The following RGS17 variants were observed in gnomAD, a reference collection of about 807,000 sequenced individuals.
RGS17 encodes the protein regulator of G protein signaling 17, also known as regulator of G-protein signaling 17.
Under a neutral mutation model 25.5 loss-of-function variants are expected in RGS17, and 12 were observed. The ratio of observed to expected loss-of-function variants is 0.47; its 90% confidence interval spans 0.30 to 0.76. RGS17 has a LOEUF of 0.76. Among genes scored for constraint, RGS17 ranks in the 30% least tolerant of loss-of-function variants. The probability of loss-of-function intolerance (pLI) is 0.07; values close to 1 mark genes in which losing one functional copy is unlikely to be tolerated. For missense variants in RGS17, 196 were observed against 242.2 expected, an observed-to-expected ratio of 0.81 and a Z score of 1.27; for synonymous variants, 71 against 76.9, an observed-to-expected ratio of 0.92 and a Z score of 0.40.
At chr6:153,054,110 A>G (rs1216935762) in intron 1 of RGS17, among the ~76,000 whole-genome samples, 4 of 102,860 alleles carry the variant, frequency 3.9e-5, no homozygotes, top group African/African-American at 1.2e-4. Context: ...ATATATATAT[A>G]TATGTGTATA....
intron 1 of RGS17, among the ~76,000 whole-genome samples, chr6:153,067,676 A>G (rs1415853268): frequency 6.6e-6 from 1 of 152,224 alleles, no homozygotes; most frequent in Non-Finnish European, 1.5e-5. Context: ...CAAAAAATGG[A>G]AAGTTATTTC....
chr6:153,071,074 T>C (rs1182985529), intron 1 of RGS17, among the ~76,000 whole-genome samples: 2 of 150,220 alleles, frequency 1.3e-5, no homozygotes, highest in Non-Finnish European at 1.5e-5. Flanking sequence ...TACATATACG[T>C]ATATGTACAC....
At chr6:153,095,707 T>G (rs1431552865) in intron 1 of RGS17, among the ~76,000 whole-genome samples, 1 of 152,212 alleles carries the variant, frequency 6.6e-6, no homozygotes. Context: ...TAATTATACA[T>G]ATTATTCATA....
intron 1 of RGS17, among the ~76,000 whole-genome samples, chr6:153,069,207 T>C (rs929779043): frequency 2.0e-5 from 3 of 152,142 alleles, no homozygotes; most frequent in African/African-American, 7.2e-5. Context: ...GCAACCTAAG[T>C]GTCCAGCTAC....
At chr6:153,047,618 T>C (rs553538131) in intron 1 of RGS17, among the ~76,000 whole-genome samples, 1 of 152,178 alleles carries the variant, frequency 6.6e-6, no homozygotes. Context: ...ATGGGATTAG[T>C]GCCCTTATAA....
intron 1 of RGS17, among the ~76,000 whole-genome samples, chr6:153,118,078 G>C (rs1777568999): frequency 6.6e-6 from 1 of 152,198 alleles, no homozygotes; most frequent in Non-Finnish European, 1.5e-5. Context: ...GTTAGGCAGA[G>C]GGAGTGGCAA....
intron 2 of RGS17, among the ~76,000 whole-genome samples, chr6:153,036,618 G>C (rs1357452735): frequency 6.6e-6 from 1 of 152,150 alleles, no homozygotes; most frequent in Non-Finnish European, 1.5e-5. Context: ...CTCAATCAGA[G>C]CAAGTTGAAC....
At chr6:153,020,738 G>A (rs1255640226) in intron 4 of RGS17, among the ~76,000 whole-genome samples, 1 of 152,142 alleles carries the variant, frequency 6.6e-6, no homozygotes, top group African/African-American at 2.4e-5. Context: ...ATTTTATAAT[G>A]AGTCAAATGT....
intron 1 of RGS17, among the ~76,000 whole-genome samples, chr6:153,128,703 A>G (rs894044038): frequency 1.3e-5 from 2 of 152,020 alleles, no homozygotes; most frequent in African/African-American, 4.8e-5. Context: ...AGGAAGGTTT[A>G]TTATTATTAT....
chr6:153,049,568 G>A (rs913371884), intron 1 of RGS17, among the ~76,000 whole-genome samples: 3 of 151,992 alleles, frequency 2.0e-5, no homozygotes, highest in Non-Finnish European at 4.4e-5. Flanking sequence ...TGGCTAACAT[G>A]GTGAAACCCC....
At position 153,008,007 on chromosome 6, in the gene RGS17, A is replaced by G. The variant is rs1213014994; in HGVS notation, c.*3567T>C. The G allele has an allele frequency of 2.0e-5, 3 of 152,218 alleles. No individual in the cohort carries two copies. The highest frequency in any genetic ancestry group is 2.0e-4 in the Admixed American group (3 of 15,288). The allele number at this position is 152,218 out of a possible 1,614,324, so 9.4% of individuals were successfully genotyped here. A position where few individuals can be genotyped will look rare whatever the true frequency, so the allele number is the denominator to read the frequency against. On this transcript the variant is annotated 3_prime_UTR_variant, in exon 5 of 5. Coordinates refer to ENST00000206262, the MANE Select transcript of RGS17 (RefSeq NM_012419.5). ...CATCTAATAATTGGTATTTTTTGAGATATAATTTGTCACAATTACAATATG... is the reference window on the plus strand; with the variant it reads ...CATCTAATAATTGGTATTTTTTGAGGTATAATTTGTCACAATTACAATATG...
chr6:153,125,729 T>C (rs775370789), intron 1 of RGS17, among the ~76,000 whole-genome samples: 1 of 152,114 alleles, frequency 6.6e-6, no homozygotes, highest in Non-Finnish European at 1.5e-5. Flanking sequence ...GGTACACACC[T>C]GTAGTCCCAG....
At chr6:153,058,195 A>T (rs1223704287) in intron 1 of RGS17, among the ~76,000 whole-genome samples, 1 of 152,210 alleles carries the variant, frequency 6.6e-6, no homozygotes, top group African/African-American at 2.4e-5. Flanking sequence ...TCAAGGTAAC[A>T]CTGAGGAGAG....
intron 1 of RGS17, among the ~76,000 whole-genome samples, chr6:153,071,010 T>A (rs963401175): frequency 6.6e-6 from 1 of 150,572 alleles, no homozygotes; most frequent in African/African-American, 2.4e-5. Context: ...CATGTGTATA[T>A]GCACGTATGT....
At chr6:153,014,630 C>G (rs1584117345) in intron 4 of RGS17, among the ~76,000 whole-genome samples, 1 of 152,168 alleles carries the variant, frequency 6.6e-6, no homozygotes, top group East Asian at 1.9e-4. Context: ...AAACCCGTCT[C>G]TACTAAAAAT....
At chr6:153,095,426 T>G (rs557147677) in intron 1 of RGS17, among the ~76,000 whole-genome samples, 1 of 152,174 alleles carries the variant, frequency 6.6e-6, no homozygotes, top group Non-Finnish European at 1.5e-5. Context: ...GTTTCTACTT[T>G]GTGCTCTGGA....
intron 1 of RGS17, among the ~76,000 whole-genome samples, chr6:153,090,659 C>T (rs1000297139): frequency 6.6e-6 from 1 of 151,934 alleles, no homozygotes; most frequent in African/African-American, 2.4e-5. Context: ...CAGAAATAAA[C>T]AATGCATAAG....
At chr6:153,054,853 T>G (rs555247920) in intron 1 of RGS17, among the ~76,000 whole-genome samples, 1 of 152,126 alleles carries the variant, frequency 6.6e-6, no homozygotes, top group Admixed American at 6.5e-5. Context: ...ATTTCCTTTG[T>G]GTAGTTCCCA....
At chr6:153,037,486 C>T (rs535765886) in intron 2 of RGS17, among the ~76,000 whole-genome samples, 271 of 150,180 alleles carry the variant, frequency 1.8e-3, no homozygotes, top group African/African-American at 6.2e-3. Context: ...AGTGCAGTGG[C>T]GCAATCTTGG....
Sources: gnomAD v4.1 joint callset for allele counts (sites outside exome capture counted in the v4.1 genomes callset) on GRCh38, gnomAD v4.1.1 for gene constraint, MANE v1.5 for transcripts, NCBI Gene and HGNC (gene_info 2026-07-23, HGNC 2026-07-21) for gene names.